Variants in ATP2B3 observed in about 807,000 individuals in gnomAD.
The protein encoded by ATP2B3 is ATPase plasma membrane Ca2+ transporting 3.
Under a neutral mutation model 70.8 loss-of-function variants are expected in ATP2B3, and 12 were observed. The ratio of observed to expected loss-of-function variants is 0.17; its 90% CI spans 0.11 to 0.27. The LOEUF is 0.27. Among genes scored for constraint, ATP2B3 ranks in the 10% least tolerant of loss-of-function variants. ATP2B3 has a pLI of 1.00. For synonymous variants in ATP2B3, 460 were observed against 497.8 expected (o/e 0.92, Z 1.01); for missense variants, 858 against 1,118.5 (o/e 0.77, Z 3.32).
chrX:153,533,702 G>A (rs2090150063), intron 2 of ATP2B3, among the ~76,000 whole-genome samples: 2 of 111,189 alleles, frequency 1.8e-5, no homozygotes, highest in Non-Finnish European at 3.8e-5. Context: ...AGTTGGCCCC[G>A]GGACCATGGC....
At chrX:153,527,829 A>G (rs1457732674) in intron 2 of ATP2B3, among the ~76,000 whole-genome samples, 5 of 112,600 alleles carry the variant, frequency 4.4e-5, no homozygotes, top group Non-Finnish European at 9.4e-5. Context: ...AGACTTCAGG[A>G]CAAGCCTCGG....
chrX:153,559,088 C>T (rs2090585828), intron 17 of ATP2B3, among the ~76,000 whole-genome samples: 1 of 111,907 alleles, frequency 8.9e-6, no homozygotes, highest in African/African-American at 3.3e-5. Flanking sequence ...ACCATTTTAA[C>T]CTTTTGAAAG....
At chrX:153,545,971 G>A in intron 7 of ATP2B3, 117 bp from the exon 8 acceptor site, 1 of 768,413 alleles carries the variant, frequency 1.3e-6, no homozygotes, top group Non-Finnish European at 2.0e-6. Context: ...GCCTGGAGAG[G>A]ACGGGGCATG....
intron 21 of ATP2B3, among the ~76,000 whole-genome samples, chrX:153,575,537 G>A (rs782108839): frequency 2.7e-5 from 3 of 111,940 alleles, no homozygotes; most frequent in South Asian, 7.5e-4. Context: ...GGCTTGTAGC[G>A]GGGGAGACCA....
chrX:153,570,099 G>T, intron 21 of ATP2B3: 1 of 336,567 alleles, frequency 3.0e-6, no homozygotes, highest in Admixed American at 5.5e-5. Context: ...TTCTGGGGGT[G>T]TCTGGTGTCA....
Position 153,519,477 on chromosome X carries a change from G to A in ATP2B3, c.-127+926G>A, listed in dbSNP as rs180900519. On this transcript the variant is annotated intron_variant, in intron 2 of 21. Transcript: ENST00000263519. ...TCATCCCCAACCCCCACCCCCCGCC[G>A]CCACTTTTCACAGATGAGGAAACCG... Among the ~76,000 whole-genome samples the A allele has an allele frequency of 2.4e-3, 247 of 103,905 alleles. 1 individual carries two copies. The highest frequency in any genetic ancestry group is 7.7e-3 in the African/African-American group (218 of 28,333). 90.2% of individuals were successfully genotyped at this position (103,905 alleles called of 115,157 possible).
intron 16 of ATP2B3, among the ~76,000 whole-genome samples, chrX:153,557,432 C>T (rs913402569): frequency 1.7e-4 from 19 of 112,430 alleles, no homozygotes; most frequent in Non-Finnish European, 3.4e-4. Flanking sequence ...GCCCTGCAGA[C>T]GCCACCCACA....
chrX:153,565,880 G>T (rs372601095), intron 21 of ATP2B3, among the ~76,000 whole-genome samples: 2 of 112,577 alleles, frequency 1.8e-5, no homozygotes, highest in African/African-American at 6.5e-5. Context: ...GCTCCCTTCC[G>T]GCTCGTGGGG....
intron 3 of ATP2B3, among the ~76,000 whole-genome samples, chrX:153,537,545 G>T (rs1399386498): frequency 8.8e-6 from 1 of 113,289 alleles, no homozygotes; most frequent in Non-Finnish European, 1.9e-5. Flanking sequence ...ATGGAGGAGG[G>T]GGGCTGCGGG....
chrX:153,535,998 G>A (rs1001515203), intron 2 of ATP2B3, 124 bp from the exon 3 acceptor site: 6 of 427,476 alleles, frequency 1.4e-5, no homozygotes, highest in East Asian at 3.9e-5. Flanking sequence ...CCTGGGAGGT[G>A]ATTTCTGCAC....
At chrX:153,538,653 G>A (rs782141392) in intron 3 of ATP2B3, among the ~76,000 whole-genome samples, 123 of 112,997 alleles carry the variant, frequency 1.1e-3, no homozygotes, top group Middle Eastern at 4.6e-3. Context: ...CCTCTGCTCC[G>A]GGCAGGCCGC....
At chrX:153,538,513 G>T (rs887597591) in intron 3 of ATP2B3, among the ~76,000 whole-genome samples, 2 of 113,132 alleles carry the variant, frequency 1.8e-5, no homozygotes, top group Non-Finnish European at 3.8e-5. Flanking sequence ...TGAACTCAGA[G>T]GTGGGTTCGC....
intron 3 of ATP2B3, among the ~76,000 whole-genome samples, chrX:153,537,149 G>A (rs1486890671): frequency 2.6e-5 from 3 of 113,322 alleles, no homozygotes; most frequent in African/African-American, 9.6e-5. Context: ...TATCCCTGTG[G>A]GAGGCAATGT....
chrX:153,560,689 C>T lies in ATP2B3; in HGVS notation c.2853C>T (p.Phe951=), dbSNP rs782802603. The stretch of plus-strand genomic sequence containing the variant: ...GTTGCTTTCCAGGGGAGCTCTTCTT[C>T]GACATCGACAGCGGGAGGAATGCGC... The part of the protein sequence containing the change: ...FTLLFVGELF[F]DIDSGRNAPL... Residue 951 remains phenylalanine (F), a synonymous_variant, in exon 19 of 22, where the codon TTC becomes TTT. Coordinates refer to ENST00000263519, the MANE Select transcript of ATP2B3 (RefSeq NM_001001344.3). The T allele has an allele frequency of 1.3e-5, 16 of 1,210,179 alleles. No homozygotes were observed. The highest frequency in any genetic ancestry group is 1.1e-4 in the Admixed American group (5 of 45,851).
chrX:153,560,405 C>T (rs782421716), intron 18 of ATP2B3, among the ~76,000 whole-genome samples: 1 of 111,471 alleles, frequency 9.0e-6, no homozygotes, highest in Non-Finnish European at 1.9e-5. Flanking sequence ...GGAGGGCGTC[C>T]GAGGAAAGCC....
chrX:153,562,067 G>C, intron 19 of ATP2B3, 68 bp from the exon 20 acceptor site: 1 of 1,023,476 alleles, frequency 9.8e-7, no homozygotes, highest in Non-Finnish European at 1.4e-6. Flanking sequence ...GGTCTTCAAG[G>C]GGTTGGAGGA....
Position 153,536,280 on chromosome X carries a change from C to A in ATP2B3, c.33C>A (p.Phe11Leu). Residue 11 changes from phenylalanine to leucine, a missense_variant, in exon 3 of 22, where the codon TTC (phenylalanine) becomes TTA (leucine). Phe to Leu is a conservative substitution (Grantham distance 22, BLOSUM62 0). This residue lies in a region of ATP2B3 where 278 missense variants were observed against 366.2 expected (regional missense o/e 0.76). Transcript: ENST00000263519. MGDMANSSIEFHPKPQQQRDV... is the reference protein window; with the variant it reads MGDMANSSIELHPKPQQQRDV... ...ACATGGCCAATAGTTCCATCGAGTTCCACCCCAAGCCCCAGCAGCAGCGGG... is the reference window on the plus strand; with the variant it reads ...ACATGGCCAATAGTTCCATCGAGTTACACCCCAAGCCCCAGCAGCAGCGGG... 8.3e-7 allele frequency: 1 copy of A among 1,198,096 alleles called. No individual in the cohort carries two copies. Among genetic ancestry groups the A allele is most frequent in the Non-Finnish European group, 1.1e-6 (1 of 888,648 alleles).
At chrX:153,546,584 C>G in intron 8 of ATP2B3, among the ~76,000 whole-genome samples, 1 of 113,438 alleles carries the variant, frequency 8.8e-6, no homozygotes, top group South Asian at 3.6e-4. Flanking sequence ...GCTCTCCTCT[C>G]AGCCCCGGAC....
chrX:153,518,370 A>T (rs1168839467), intron 1 of ATP2B3, among the ~76,000 whole-genome samples, 62 bp from the exon 2 acceptor site: 1 of 111,914 alleles, frequency 8.9e-6, no homozygotes, highest in Non-Finnish European at 1.9e-5. Flanking sequence ...CACCGCGGTC[A>T]TGGGCAGTGC....
Sources: gnomAD v4.1 joint callset for allele counts (sites outside exome capture counted in the v4.1 genomes callset) on GRCh38, gnomAD v4.1.1 for gene constraint, gnomAD v4.1.1 regional missense constraint, MANE v1.5 for transcripts, NCBI Gene and HGNC (gene_info 2026-07-23, HGNC 2026-07-21) for gene names.